DPYD: variants seen among roughly 807,000 people sequenced by gnomAD.
DPYD encodes dihydropyrimidine dehydrogenase [NADP(+)].
Under a neutral mutation model 116.2 loss-of-function variants are expected in DPYD, and 109 were observed. That is an observed-to-expected ratio of 0.94 (90% CI 0.80 to 1.10). The LOEUF is 1.10. Ranked by LOEUF, DPYD falls within the 50% of genes least tolerant of loss-of-function variation. The pLI is 0.00. For synonymous variants in DPYD, 440 were observed against 432.0 expected, an observed-to-expected ratio of 1.02 and a Z score of -0.23; for missense variants, 1,302 against 1,254.5, an observed-to-expected ratio of 1.04 and a Z score of -0.57.
intron 20 of DPYD, among the ~76,000 whole-genome samples, chr1:97,192,634 G>A (rs1401514571): frequency 1.3e-5 from 2 of 152,132 alleles, no homozygotes; most frequent in Non-Finnish European, 2.9e-5. Context: ...CACAGCAGAA[G>A]CAGTTACAAA....
chr1:97,489,887 T>C (rs1678870588), intron 13 of DPYD, among the ~76,000 whole-genome samples: 1 of 152,200 alleles, frequency 6.6e-6, no homozygotes, highest in African/African-American at 2.4e-5. Context: ...ATTAATACTT[T>C]ATTAATGCTC....
intron 12 of DPYD, among the ~76,000 whole-genome samples, chr1:97,549,219 A>C (rs1651132429): frequency 6.6e-6 from 1 of 152,088 alleles, no homozygotes; most frequent in Non-Finnish European, 1.5e-5. Flanking sequence ...GGCGTGTGCC[A>C]CCATGCCCAT....
At chr1:97,102,144 G>A (rs748676398) in intron 20 of DPYD, among the ~76,000 whole-genome samples, 5 of 151,672 alleles carry the variant, frequency 3.3e-5, no homozygotes, top group African/African-American at 4.8e-5. Flanking sequence ...GTAGAAAAGC[G>A]TTCTTGTTTG....
At chr1:97,570,763 C>T (rs1168677230) in intron 11 of DPYD, among the ~76,000 whole-genome samples, 1 of 151,280 alleles carries the variant, frequency 6.6e-6, no homozygotes, top group African/African-American at 2.4e-5. Flanking sequence ...GTACACATTC[C>T]TCACTTTGTA....
chr1:97,209,676 T>G (rs916296174), intron 19 of DPYD, among the ~76,000 whole-genome samples: 2 of 152,164 alleles, frequency 1.3e-5, no homozygotes, highest in African/African-American at 4.8e-5. Flanking sequence ...CTGATTGATT[T>G]AGGAAGATGA....
intron 2 of DPYD, chr1:97,855,820 A>G (rs909896724): frequency 6.6e-6 from 1 of 152,228 alleles, no homozygotes; most frequent in Non-Finnish European, 1.5e-5. Flanking sequence ...AAGAGTGGAA[A>G]AGGGAAGAGG....
chr1:97,385,326 A>G (rs1375221639), intron 14 of DPYD, among the ~76,000 whole-genome samples: 1 of 136,600 alleles, frequency 7.3e-6, no homozygotes, highest in Non-Finnish European at 1.6e-5. Context: ...AAAGAGAGAG[A>G]GAGATTAAGG....
intron 10 of DPYD, among the ~76,000 whole-genome samples, chr1:97,578,184 A>G (rs749262383): frequency 2.8e-4 from 43 of 152,142 alleles, no homozygotes; most frequent in Non-Finnish European, 2.6e-4. Context: ...AATAATGGTA[A>G]TAAGTATTTA....
rs78903807 is a variant in DPYD, at chr1:97,738,538, C to T, written c.321+1854G>A. 1.9e-3 allele frequency among the ~76,000 whole-genome samples: 289 copies of T among 152,206 alleles called. 8 individuals carry two copies. The East Asian group carries it at 0.05, about 26-fold the overall frequency. ...TTACCCTCTCAACCTGGAAAGAACA[C>T]CCCTCCTGCGTTGAGGTCCACTGGC... On this transcript the variant is annotated intron_variant, in intron 4 of 22. Transcript: ENST00000370192.
intron 1 of DPYD, among the ~76,000 whole-genome samples, chr1:97,909,228 G>A (rs1447230573): frequency 6.6e-6 from 1 of 152,060 alleles, no homozygotes; most frequent in Non-Finnish European, 1.5e-5. Flanking sequence ...TCCATTGGAA[G>A]AGGGAACTTA....
intron 8 of DPYD, among the ~76,000 whole-genome samples, chr1:97,616,391 A>G (rs2100759615): frequency 6.6e-6 from 1 of 152,210 alleles, no homozygotes; most frequent in East Asian, 1.9e-4. Flanking sequence ...GTAATTTAGG[A>G]TAATGAGATT....
At chr1:97,771,075 T>C (rs1666115257) in intron 3 of DPYD, among the ~76,000 whole-genome samples, 2 of 152,156 alleles carry the variant, frequency 1.3e-5, no homozygotes, top group Non-Finnish European at 1.5e-5. Context: ...CCCAGTACTT[T>C]GTGGAGCTGA....
In DPYD at chr1:97,212,459, A is replaced by G. The variant is rs778204696; in HGVS notation, c.2443-19211T>C. On this transcript the variant is annotated intron_variant, in intron 19 of 22. Coordinates refer to ENST00000370192, the MANE Select transcript of DPYD (RefSeq NM_000110.4). ...GATGTACCACCACATTTTGTTTACC[A>G]TTCATCAACCTGCTAGGGATTTAGA... 9.2e-5 allele frequency among the ~76,000 whole-genome samples: 14 copies of G among 152,244 alleles called. 1 individual carries two copies. In the South Asian group the frequency reaches 2.9e-3, roughly 32 times the overall value.
chr1:97,153,046 T>A (rs1407161450), intron 20 of DPYD, among the ~76,000 whole-genome samples: 7 of 152,148 alleles, frequency 4.6e-5, no homozygotes, highest in Admixed American at 3.3e-4. Context: ...AAGAGTCTTT[T>A]GTAATCACCT....
At chr1:97,820,933 A>G (rs913241237) in intron 3 of DPYD, among the ~76,000 whole-genome samples, 3 of 152,104 alleles carry the variant, frequency 2.0e-5, no homozygotes, top group Non-Finnish European at 4.4e-5. Flanking sequence ...TATTTTTTTT[A>G]TTAATGAGTA....
intron 2 of DPYD, among the ~76,000 whole-genome samples, chr1:97,879,802 C>T (rs1672102022): frequency 6.6e-6 from 1 of 151,826 alleles, no homozygotes. Context: ...CGATTTTAGA[C>T]TACTTATTTT....
chr1:97,469,397 C>CAA (rs59090402), intron 13 of DPYD, among the ~76,000 whole-genome samples: 6 of 80,804 alleles, frequency 7.4e-5, no homozygotes, highest in Admixed American at 1.7e-4. Context: ...GCTAAAATTG[C>CAA]AAAAAAAAAA....
At chr1:97,105,864 G>A (rs370030290) in intron 20 of DPYD, among the ~76,000 whole-genome samples, 97 of 152,114 alleles carry the variant, frequency 6.4e-4, no homozygotes, top group African/African-American at 2.2e-3. Context: ...GGAAAGCAGT[G>A]CCTAGTTGTA....
intron 20 of DPYD, among the ~76,000 whole-genome samples, chr1:97,112,421 T>C (rs1007346629): frequency 6.6e-6 from 1 of 152,136 alleles, no homozygotes; most frequent in African/African-American, 2.4e-5. Flanking sequence ...GATTTGATAG[T>C]TGACAAGTAA....
Sources: allele counts gnomAD v4.1 joint callset (sites outside exome capture counted in the v4.1 genomes callset), GRCh38; gene constraint gnomAD v4.1.1; transcripts MANE v1.5; gene names NCBI Gene and HGNC (gene_info 2026-07-23, HGNC 2026-07-21).